NEDD4L: variants seen among roughly 807,000 people sequenced by gnomAD.
The protein encoded by NEDD4L is NEDD4 like E3 ubiquitin protein ligase, also known as E3 ubiquitin-protein ligase NEDD4-like.
Under a neutral mutation model 148.9 loss-of-function variants are expected in NEDD4L, and 54 were observed. That is an observed-to-expected ratio of 0.36 (90% CI 0.29 to 0.45). The LOEUF (loss-of-function observed/expected upper bound fraction) is 0.45, where lower values mean the gene tolerates loss of function less well. Among genes scored for constraint, NEDD4L ranks in the 20% least tolerant of loss-of-function variants. The probability of loss-of-function intolerance (pLI) is 1.00; values close to 1 mark genes in which losing one functional copy is unlikely to be tolerated. For missense variants in NEDD4L, 856 were observed against 1,233.8 expected (o/e 0.69, Z 4.59); for synonymous variants, 433 against 440.7 (o/e 0.98, Z 0.22).
intron 2 of NEDD4L, among the ~76,000 whole-genome samples, chr18:58,180,533 T>C (rs1438968908): frequency 5.3e-5 from 8 of 152,196 alleles, no homozygotes; most frequent in African/African-American, 1.9e-4. Flanking sequence ...CGCCCGTTCT[T>C]CTGCCCCTCC....
intron 21 of NEDD4L, 150 bp from the exon 22 acceptor site, chr18:58,367,596 T>C (rs2046293957): frequency 1.4e-6 from 1 of 737,204 alleles, no homozygotes; most frequent in Admixed American, 2.5e-5. Context: ...GAGCATGTGG[T>C]AAGTCAGGTC....
intron 6 of NEDD4L, among the ~76,000 whole-genome samples, chr18:58,318,793 C>T (rs1362655060): frequency 6.6e-6 from 1 of 152,218 alleles, no homozygotes; most frequent in Non-Finnish European, 1.5e-5. Context: ...CTTGACTTGT[C>T]AGCTCTGTCT....
chr18:58,158,414 AT>A (rs2035778504), intron 1 of NEDD4L, among the ~76,000 whole-genome samples: 1 of 152,238 alleles, frequency 6.6e-6, no homozygotes, highest in Non-Finnish European at 1.5e-5. Context: ...AATATCGAGA[AT>A]TTGTGGACCT....
intron 1 of NEDD4L, among the ~76,000 whole-genome samples, chr18:58,133,647 C>T (rs2032461495): frequency 1.3e-5 from 2 of 152,020 alleles, no homozygotes; most frequent in African/African-American, 4.8e-5. Context: ...TATCATTTCC[C>T]CTCCATGCTT....
intron 5 of NEDD4L, among the ~76,000 whole-genome samples, chr18:58,277,033 C>T (rs1473313649): frequency 6.6e-6 from 1 of 152,088 alleles, no homozygotes; most frequent in African/African-American, 2.4e-5. Context: ...GGCTGTGCTA[C>T]GCTTGGCTTT....
At chr18:58,082,703 CGGAGGTTGCAGTGAGT>C (rs1359106459) in intron 1 of NEDD4L, among the ~76,000 whole-genome samples, 7 of 146,564 alleles carry the variant, frequency 4.8e-5, no homozygotes, top group Admixed American at 2.8e-4. Context: ...ACCTGGGAAG[CGGAGGTTGCAGTGAGT>C]GGAGGTTGCA....
intron 1 of NEDD4L, among the ~76,000 whole-genome samples, chr18:58,152,253 G>A (rs923300282): frequency 6.6e-6 from 1 of 152,204 alleles, no homozygotes; most frequent in Non-Finnish European, 1.5e-5. Context: ...AGCAAGGCTT[G>A]GGAACAAGAG....
intron 11 of NEDD4L, among the ~76,000 whole-genome samples, chr18:58,333,437 G>A (rs538830377): frequency 6.6e-5 from 10 of 152,130 alleles, no homozygotes; most frequent in Non-Finnish European, 7.4e-5. Context: ...TATTTCTTCC[G>A]TCTATTCACA....
chr18:58,165,901 A>T, intron 2 of NEDD4L, 40 bp downstream of exon 2: 1 of 1,514,752 alleles, frequency 6.6e-7, no homozygotes. Flanking sequence ...ACTTCTGAAA[A>T]ATTGACAAGC....
intron 5 of NEDD4L, among the ~76,000 whole-genome samples, chr18:58,311,368 T>C (rs1275088851): frequency 6.6e-6 from 1 of 152,228 alleles, no homozygotes; most frequent in African/African-American, 2.4e-5. Flanking sequence ...CATGGGTCAT[T>C]TTACCAAGAA....
chr18:58,096,333 G>GATTAT (rs1249041025), intron 1 of NEDD4L, among the ~76,000 whole-genome samples: 2 of 144,692 alleles, frequency 1.4e-5, no homozygotes, highest in East Asian at 3.9e-4. Flanking sequence ...GCCTTAGTGT[G>GATTAT]ATTATTTTAT....
intron 1 of NEDD4L, among the ~76,000 whole-genome samples, chr18:58,080,247 C>G (rs1226774452): frequency 6.6e-6 from 1 of 152,230 alleles, no homozygotes; most frequent in African/African-American, 2.4e-5. Context: ...AGATGGGGAG[C>G]CCACCTGGGT....
chr18:58,123,822 G>A (rs12606685), intron 1 of NEDD4L, among the ~76,000 whole-genome samples: 3,901 of 152,106 alleles, frequency 0.026, 117 homozygotes, highest in East Asian at 0.16. Context: ...ACCTGCTGCC[G>A]CGGAGGCTTC....
At chr18:58,375,000 C>A (rs974935009) in intron 24 of NEDD4L, among the ~76,000 whole-genome samples, 2 of 152,172 alleles carry the variant, frequency 1.3e-5, no homozygotes, top group Non-Finnish European at 2.9e-5. Flanking sequence ...GAGAGGCTCA[C>A]GGGTCCCAGT....
At chr18:58,387,338 T>G in intron 26 of NEDD4L, 101 bp from the exon 27 acceptor site, 2 of 1,292,560 alleles carry the variant, frequency 1.5e-6, no homozygotes, top group Non-Finnish European at 2.1e-6. Context: ...TCAGGAGAGA[T>G]TATATTTTTT....
rs185055385 is a variant in NEDD4L, at chr18:58,053,088, A to G, written c.48+8380A>G. On this transcript the variant is annotated intron_variant, in intron 1 of 30. Transcript: ENST00000400345. ...AACTGTCCTCTTGCTGGTTTGGGTG[A>G]TGTCCCATCACCTGTCACTTTGTTT... Among the ~76,000 whole-genome samples, 12 of 152,280 alleles carry G rather than the reference A, an allele frequency of 7.9e-5. No homozygotes were observed. The East Asian group carries it at 1.5e-3, about 20-fold the overall frequency.
At chr18:58,105,142 T>C (rs2084990815) in intron 1 of NEDD4L, among the ~76,000 whole-genome samples, 1 of 152,178 alleles carries the variant, frequency 6.6e-6, no homozygotes, top group East Asian at 1.9e-4. Flanking sequence ...AGCAGCTGTG[T>C]GGCCAGTAGC....
chr18:58,283,376 C>T (rs1010460755), intron 5 of NEDD4L, among the ~76,000 whole-genome samples: 9 of 152,180 alleles, frequency 5.9e-5, no homozygotes, highest in Non-Finnish European at 8.8e-5. Context: ...ATGCCCAGCC[C>T]ATACACTGCC....
chr18:58,272,452 A>G (rs1183703553), intron 5 of NEDD4L, among the ~76,000 whole-genome samples: 1 of 152,142 alleles, frequency 6.6e-6, no homozygotes, highest in African/African-American at 2.4e-5. Context: ...TCTGGGCAAC[A>G]TGGCAAAACC....
Sources: allele counts gnomAD v4.1 joint callset (sites outside exome capture counted in the v4.1 genomes callset), GRCh38; gene constraint gnomAD v4.1.1; transcripts MANE v1.5; gene names NCBI Gene and HGNC (gene_info 2026-07-23, HGNC 2026-07-21).